SRGAP3: variants seen among roughly 807,000 people sequenced by gnomAD.
SRGAP3 encodes the protein SLIT-ROBO Rho GTPase-activating protein 3.
A neutral mutation model predicts 121.1 loss-of-function variants in SRGAP3; 39 were observed. The observed-to-expected ratio is 0.32, with a 90% CI of 0.25 to 0.42. The LOEUF is 0.42. Ranked by LOEUF, SRGAP3 falls within the 10% of genes least tolerant of loss-of-function variation. The pLI is 1.00. For missense variants in SRGAP3, 1,213 were observed against 1,470.6 expected, an observed-to-expected ratio of 0.82 and a Z score of 2.86; for synonymous variants, 601 against 570.0, an observed-to-expected ratio of 1.05 and a Z score of -0.77.
At chr3:9,245,903 G>C (rs374271140) in intron 1 of SRGAP3, among the ~76,000 whole-genome samples, 9 of 152,068 alleles carry the variant, frequency 5.9e-5, no homozygotes, top group East Asian at 3.9e-4. Flanking sequence ...CAGCCTGGAC[G>C]ACACAGAGAG....
chr3:9,204,431 T>G (rs1952189619), intron 1 of SRGAP3, among the ~76,000 whole-genome samples: 1 of 152,146 alleles, frequency 6.6e-6, no homozygotes, highest in South Asian at 2.1e-4. Context: ...AGACATGCCT[T>G]TGCCCCCACG....
chr3:9,059,370 A>T (rs1295570437), intron 6 of SRGAP3: 1 of 152,314 alleles, frequency 6.6e-6, no homozygotes, highest in Non-Finnish European at 1.5e-5. Context: ...AGGAAAGAGG[A>T]AGGTCTGGCC....
intron 15 of SRGAP3, chr3:9,014,325 T>C (rs1392498169): frequency 3.5e-5 from 7 of 202,800 alleles, no homozygotes; most frequent in African/African-American, 1.6e-4. Context: ...CTGTTACTTA[T>C]GAGTCCTGAC....
At chr3:9,237,512 C>T (rs1261268600) in intron 1 of SRGAP3, among the ~76,000 whole-genome samples, 1 of 152,144 alleles carries the variant, frequency 6.6e-6, no homozygotes, top group Non-Finnish European at 1.5e-5. Flanking sequence ...TCAGCTGATC[C>T]AATAGAGAGT....
intron 1 of SRGAP3, among the ~76,000 whole-genome samples, chr3:9,131,253 T>C (rs1404334880): frequency 6.6e-6 from 1 of 151,830 alleles, no homozygotes; most frequent in South Asian, 2.1e-4. Context: ...GTTCCAGCCA[T>C]AACACAGAGC....
At chr3:9,129,203 TA>T (rs1949349268) in intron 1 of SRGAP3, among the ~76,000 whole-genome samples, 1 of 152,098 alleles carries the variant, frequency 6.6e-6, no homozygotes, top group African/African-American at 2.4e-5. Context: ...TAGCTGGGAC[TA>T]AAGAGGTAAG....
At chr3:9,211,837 A>C (rs994771359) in intron 1 of SRGAP3, among the ~76,000 whole-genome samples, 2 of 145,558 alleles carry the variant, frequency 1.4e-5, no homozygotes, top group African/African-American at 5.0e-5. Context: ...CAACATGCCC[A>C]GCTAATTTTT....
chr3:9,309,719 T>A (rs1397705454), intron 3 of SRGAP3, among the ~76,000 whole-genome samples: 1 of 152,026 alleles, frequency 6.6e-6, no homozygotes, highest in Non-Finnish European at 1.5e-5. Context: ...ATCAGACAGA[T>A]GTGAGGGCAC....
intron 8 of SRGAP3, 78 bp from the exon 9 acceptor site, chr3:9,053,302 T>G: frequency 7.2e-7 from 1 of 1,381,610 alleles, no homozygotes; most frequent in Non-Finnish European, 1.0e-6. Context: ...TTCCCAGCTG[T>G]CACTTTACTT....
intron 4 of SRGAP3, among the ~76,000 whole-genome samples, chr3:9,073,383 G>A (rs113664853): frequency 3.3e-5 from 5 of 152,212 alleles, no homozygotes; most frequent in African/African-American, 7.2e-5. Flanking sequence ...AGGCTCAAGC[G>A]ATCTGCCTGA....
chr3:9,106,625 G>C (rs1164960897), intron 2 of SRGAP3, among the ~76,000 whole-genome samples: 1 of 152,120 alleles, frequency 6.6e-6, no homozygotes, highest in Non-Finnish European at 1.5e-5. Context: ...TAGTGAATAC[G>C]TTTCATAAGA....
intron 1 of SRGAP3, among the ~76,000 whole-genome samples, chr3:9,150,021 T>C (rs1950163295): frequency 6.6e-6 from 1 of 152,084 alleles, no homozygotes; most frequent in Non-Finnish European, 1.5e-5. Flanking sequence ...TGCCCCTTTC[T>C]TCATGGAGTA....
intron 18 of SRGAP3, among the ~76,000 whole-genome samples, chr3:8,998,959 A>T (rs1942579748): frequency 6.6e-6 from 1 of 152,224 alleles, no homozygotes; most frequent in Non-Finnish European, 1.5e-5. Flanking sequence ...CATCATTAAT[A>T]GAGGCTTCTA....
intron 3 of SRGAP3, among the ~76,000 whole-genome samples, chr3:9,090,828 G>C (rs573666996): frequency 6.6e-6 from 1 of 152,120 alleles, no homozygotes; most frequent in East Asian, 1.9e-4. Context: ...GTAGAGACAG[G>C]TTTTCACCAT....
chr3:9,281,872 T>C (rs1416729991), intron 3 of SRGAP3, among the ~76,000 whole-genome samples: 1 of 151,992 alleles, frequency 6.6e-6, no homozygotes, highest in Non-Finnish European at 1.5e-5. Context: ...AGGGTTTCGC[T>C]ATGTTGGCCA....
At chr3:9,273,787 T>C (rs1954524289) in intron 3 of SRGAP3, among the ~76,000 whole-genome samples, 1 of 145,518 alleles carries the variant, frequency 6.9e-6, no homozygotes, top group Non-Finnish European at 1.5e-5. Context: ...AGGGTTCAAC[T>C]TCATTTTTTT....
intron 1 of SRGAP3, among the ~76,000 whole-genome samples, chr3:9,236,895 TA>T (rs1953431132): frequency 6.6e-6 from 1 of 152,172 alleles, no homozygotes; most frequent in South Asian, 2.1e-4. Flanking sequence ...TTAAGTTTCA[TA>T]AAACTATGAA....
intron 5 of SRGAP3, among the ~76,000 whole-genome samples, chr3:9,061,210 G>C (rs1286446635): frequency 6.6e-6 from 1 of 152,136 alleles, no homozygotes; most frequent in Non-Finnish European, 1.5e-5. Context: ...CCAGGTCTAG[G>C]TGACAGAGGG....
chr3:9,352,872 A>G (rs1042164674), intron 1 of SRGAP3, among the ~76,000 whole-genome samples: 5 of 152,196 alleles, frequency 3.3e-5, no homozygotes, highest in African/African-American at 1.2e-4. Flanking sequence ...CTCTGCCTCA[A>G]CTGAGTATGT....
Sources: gnomAD v4.1 joint callset for allele counts (sites outside exome capture counted in the v4.1 genomes callset) on GRCh38, gnomAD v4.1.1 for gene constraint, MANE v1.5 for transcripts, NCBI Gene and HGNC (gene_info 2026-07-23, HGNC 2026-07-21) for gene names.